CUX1: variants seen among roughly 807,000 people sequenced by gnomAD.
The protein encoded by CUX1 is protein CASP.
CUX1 carries 31 observed loss-of-function variants against 158.8 expected under a neutral mutation model. The ratio of observed to expected loss-of-function variants is 0.20; its 90% CI spans 0.15 to 0.26. The LOEUF is 0.26. Ranked by LOEUF, CUX1 falls within the 10% of genes least tolerant of loss-of-function variation. The pLI is 1.00. For synonymous variants in CUX1, 879 were observed against 862.1 expected, an observed-to-expected ratio of 1.02 and a Z score of -0.34; for missense variants, 1,589 against 2,014.6, an observed-to-expected ratio of 0.79 and a Z score of 4.04.
intron 1 of CUX1, among the ~76,000 whole-genome samples, chr7:101,820,854 T>C (rs1443140024): frequency 6.6e-6 from 1 of 152,224 alleles, no homozygotes; most frequent in Non-Finnish European, 1.5e-5. Context: ...TGGAATCCCA[T>C]GTTTGAGTCT....
At chr7:102,179,386 G>A (rs74684821) in intron 11 of CUX1, among the ~76,000 whole-genome samples, 12 of 152,110 alleles carry the variant, frequency 7.9e-5, no homozygotes, top group African/African-American at 2.7e-4. Context: ...GCTTTCTGAG[G>A]ATACCCCTAC....
chr7:101,882,951 G>C (rs1005732985), intron 1 of CUX1, among the ~76,000 whole-genome samples: 1 of 152,130 alleles, frequency 6.6e-6, no homozygotes, highest in Non-Finnish European at 1.5e-5. Context: ...AGGCCCTGCT[G>C]GTTCTGCGTG....
chr7:101,872,508 A>G (rs1226859319), intron 1 of CUX1, among the ~76,000 whole-genome samples: 2 of 151,552 alleles, frequency 1.3e-5, no homozygotes, highest in Non-Finnish European at 1.5e-5. Flanking sequence ...AAATGAGACT[A>G]AAGAAGATAG....
chr7:101,918,404 G>C (rs1804495079), intron 2 of CUX1, among the ~76,000 whole-genome samples: 1 of 152,252 alleles, frequency 6.6e-6, no homozygotes, highest in Admixed American at 6.5e-5. Flanking sequence ...CTGCCACTTG[G>C]GGCATTTCTT....
At chr7:102,214,250 G>A (rs945580293) in intron 20 of CUX1, among the ~76,000 whole-genome samples, 3 of 152,226 alleles carry the variant, frequency 2.0e-5, no homozygotes, top group East Asian at 1.9e-4. Flanking sequence ...GTGGCCAGGC[G>A]TGGTGGCTGA....
At chr7:102,115,344 T>C in intron 8 of CUX1, 71 bp downstream of exon 8, 1 of 1,353,314 alleles carries the variant, frequency 7.4e-7, no homozygotes, top group Non-Finnish European at 1.0e-6. Context: ...TAGGGCAGGA[T>C]CGAGAAGGTT....
intron 17 of CUX1, among the ~76,000 whole-genome samples, chr7:102,276,741 G>A (rs1432957170): frequency 6.6e-6 from 1 of 152,106 alleles, no homozygotes; most frequent in Non-Finnish European, 1.5e-5. Context: ...ACGAACATTC[G>A]GTATAGGCAA....
chr7:102,201,025 T>TG lies in CUX1; in HGVS notation c.2063-335_2063-334insG, dbSNP rs1795371850. Among the ~76,000 whole-genome samples the TG allele has an allele frequency of 2.4e-5, 1 of 42,144 alleles. No individual in the cohort carries two copies. The highest frequency in any genetic ancestry group is 1.0e-4 in the African/African-American group (1 of 9,692). 27.6% of individuals were successfully genotyped at this position (42,144 alleles called of 152,430 possible). On this transcript the variant is annotated intron_variant, in intron 17 of 23. Transcript: ENST00000292535. The surrounding 1 kb of genome is among the most constrained non-coding windows in gnomAD (Gnocchi z 5.0). The stretch of plus-strand genomic sequence containing the variant: ...CTGGACAACAGCGAGATCCTGTCGC[T>TG]AAAAAAAAAAAAAAAAAAAAAAAAA...
chr7:102,058,478 T>C (rs1000253818), intron 3 of CUX1, among the ~76,000 whole-genome samples: 2 of 152,052 alleles, frequency 1.3e-5, no homozygotes, highest in Admixed American at 6.6e-5. Flanking sequence ...AGACAGGGTT[T>C]CACGATGGTG....
At position 101,893,228 on chromosome 7, in the gene CUX1, G is replaced by A. The variant is rs532714309; in HGVS notation, c.31-22887G>A. On this transcript the variant is annotated intron_variant, in intron 1 of 23. Coordinates refer to ENST00000292535, the MANE Select transcript of CUX1 (RefSeq NM_181552.4). ...TTGCTGTGTTGCCCAGGCTGGTCTC[G>A]AACTCCTGGGCTTAAGCAACCCTCC... 9.5e-5 allele frequency among the ~76,000 whole-genome samples: 12 copies of A among 125,906 alleles called. No individual in the cohort carries two copies. The East Asian group carries it at 2.1e-3, about 22-fold the overall frequency. 82.6% of individuals were successfully genotyped at this position (125,906 alleles called of 152,430 possible). A position where few individuals can be genotyped will look rare whatever the true frequency, so the allele number is the denominator to read the frequency against.
chr7:102,068,377 A>G (rs1231311141), intron 3 of CUX1, among the ~76,000 whole-genome samples: 1 of 152,006 alleles, frequency 6.6e-6, no homozygotes, highest in Non-Finnish European at 1.5e-5. Flanking sequence ...TCTGGCTCCC[A>G]AAGTGCTATG....
chr7:101,845,322 A>G (rs1196990650), intron 1 of CUX1, among the ~76,000 whole-genome samples: 1 of 152,182 alleles, frequency 6.6e-6, no homozygotes, highest in Non-Finnish European at 1.5e-5. Flanking sequence ...CTCATTCTCA[A>G]ACATGAAGAG....
intron 22 of CUX1, among the ~76,000 whole-genome samples, chr7:102,234,737 T>C (rs1271592730): frequency 7.5e-6 from 1 of 134,112 alleles, no homozygotes; most frequent in East Asian, 2.1e-4. Context: ...CTGGCCAACA[T>C]GGCAAAACCC....
rs529462907 is a variant in CUX1 at position 101,869,871 on chromosome 7, C to T, written c.31-46244C>T. 3.3e-5 allele frequency among the ~76,000 whole-genome samples: 5 copies of T among 152,240 alleles called. No homozygotes were observed. Among genetic ancestry groups the T allele is most frequent in the African/African-American group, 1.2e-4 (5 of 41,526 alleles). On this transcript the variant is annotated intron_variant, in intron 1 of 23. Coordinates refer to ENST00000292535, the MANE Select transcript of CUX1 (RefSeq NM_181552.4). The surrounding 1 kb of genome is among the most constrained non-coding windows in gnomAD (Gnocchi z 4.5). ...ATCCTCTTGTTAAGACGCGCTCCGC[C>T]CCTGTGTCCTTATTTCCCACCGTGG...
chr7:101,990,362 TTTTGTTTGTTTGTTTG>T (rs139077977), intron 2 of CUX1, among the ~76,000 whole-genome samples: 1 of 150,492 alleles, frequency 6.6e-6, no homozygotes, highest in African/African-American at 2.5e-5. Flanking sequence ...ACCCCATCTC[TTTTGTTTGTTTGTTTG>T]TTTGTTTGTT....
downstream of CUX1, among the ~76,000 whole-genome samples, chr7:102,263,172 TC>T (rs1790538513): frequency 7.4e-6 from 1 of 135,408 alleles, no homozygotes; most frequent in Non-Finnish European, 1.6e-5. Context: ...TGCCACCACG[TC>T]CAGCTAATTT....
intron 1 of CUX1, among the ~76,000 whole-genome samples, chr7:101,875,200 C>T (rs1799002534): frequency 1.3e-5 from 2 of 152,114 alleles, no homozygotes; most frequent in African/African-American, 4.8e-5. Flanking sequence ...TAAATCACAG[C>T]TAGGATGCAA....
intron 1 of CUX1, among the ~76,000 whole-genome samples, chr7:101,846,377 G>A (rs140312146): frequency 2.7e-3 from 404 of 151,808 alleles, no homozygotes; most frequent in African/African-American, 9.4e-3. Flanking sequence ...GGAGTGCAGT[G>A]GTGCAATCCT....
At chr7:102,237,309 CCTCGGTGTTCTGGG>C (rs1554533227) in intron 22 of CUX1, among the ~76,000 whole-genome samples, 7 of 152,056 alleles carry the variant, frequency 4.6e-5, no homozygotes, top group Admixed American at 2.0e-4. Context: ...ACTGCTGCAG[CCTCGGTGTTCTGGG>C]CTCAAGTGAT....
Sources: gnomAD v4.1 joint callset for allele counts (sites outside exome capture counted in the v4.1 genomes callset) on GRCh38, gnomAD v4.1.1 for gene constraint, Gnocchi (gnomAD v3.1) non-coding constraint, MANE v1.5 for transcripts, NCBI Gene and HGNC (gene_info 2026-07-23, HGNC 2026-07-21) for gene names.